The following CATSPERB variants were observed in gnomAD, a reference collection of about 807,000 sequenced individuals.
The protein encoded by CATSPERB is cation channel sperm-associated auxiliary subunit beta.
In CATSPERB, 93 loss-of-function variants were observed where a neutral mutation model predicts 128.3. The observed-to-expected ratio is 0.72, with a 90% CI of 0.61 to 0.86. The LOEUF (loss-of-function observed/expected upper bound fraction) is 0.86. CATSPERB is among the 40% of genes least tolerant of loss of function. CATSPERB has a pLI of 0.00. For synonymous variants in CATSPERB, 381 were observed against 448.8 expected (o/e 0.85, Z 1.91); for missense variants, 1,153 against 1,329.5 (o/e 0.87, Z 2.06).
intron 22 of CATSPERB, among the ~76,000 whole-genome samples, chr14:91,607,691 C>T (rs766082869): frequency 2.6e-5 from 4 of 152,106 alleles, no homozygotes; most frequent in East Asian, 1.9e-4. Flanking sequence ...TATTCGTGTA[C>T]GTGCACATGT....
At chr14:91,676,506 C>T (rs1482085872) in intron 11 of CATSPERB, among the ~76,000 whole-genome samples, 3 of 150,498 alleles carry the variant, frequency 2.0e-5, no homozygotes, top group Admixed American at 6.7e-5. Flanking sequence ...AATCAGAGTT[C>T]TAAAGTTCTC....
Position 91,580,808 on chromosome 14 carries a change from C to T in CATSPERB, c.*81G>A, listed in dbSNP as rs1412611669. 3 of 1,024,518 alleles carry T rather than the reference C, an allele frequency of 2.9e-6. No homozygotes were observed. In the African/African-American group the frequency reaches 4.8e-5, roughly 17 times the overall value. The allele number at this position is 1,024,518 out of a possible 1,614,324, so 63.5% of individuals were successfully genotyped here. A position where few individuals can be genotyped will look rare whatever the true frequency, so the allele number is the denominator to read the frequency against. On this transcript the variant is annotated 3_prime_UTR_variant, in exon 27 of 27. Transcript: ENST00000256343. Reference sequence around the variant, plus strand: ...ATTCTTTAGGATTTTATGTAGCTTGCATATTTAACATTTAAATATATTGTT... The same window carrying T: ...ATTCTTTAGGATTTTATGTAGCTTGTATATTTAACATTTAAATATATTGTT...
chr14:91,695,415 G>A (rs990334926), intron 7 of CATSPERB, among the ~76,000 whole-genome samples: 2 of 152,146 alleles, frequency 1.3e-5, no homozygotes, highest in African/African-American at 4.8e-5. Context: ...ACAGGTGTGA[G>A]CCACCACCCA....
chr14:91,604,634 T>C (rs1893666301), intron 22 of CATSPERB: 2 of 1,611,586 alleles, frequency 1.2e-6, no homozygotes, highest in Middle Eastern at 2.1e-4. Context: ...GTTCCAGGAC[T>C]GGGTGCACCA....
chr14:91,685,883 T>C (rs972914972), intron 10 of CATSPERB, among the ~76,000 whole-genome samples: 4 of 152,204 alleles, frequency 2.6e-5, no homozygotes, highest in Admixed American at 2.6e-4. Context: ...GCAGTAAGCA[T>C]TTTGTGTGTC....
chr14:91,693,559 G>T, intron 7 of CATSPERB, 80 bp from the exon 8 acceptor site: 1 of 927,796 alleles, frequency 1.1e-6, no homozygotes, highest in Non-Finnish European at 1.7e-6. Context: ...CCCAGAGTCC[G>T]TTCCAACTCC....
intron 10 of CATSPERB, among the ~76,000 whole-genome samples, 190 bp downstream of exon 10, chr14:91,691,333 C>A (rs1253035576): frequency 6.6e-6 from 1 of 151,854 alleles, no homozygotes; most frequent in Non-Finnish European, 1.5e-5. Flanking sequence ...TTAATGGTTG[C>A]TACGAATATA....
chr14:91,729,626 G>A, intron 1 of CATSPERB, 147 bp from the exon 2 acceptor site: 2 of 485,580 alleles, frequency 4.1e-6, no homozygotes, highest in Non-Finnish European at 7.4e-6. Context: ...CAACACAACA[G>A]TTGCCTAAAC....
chr14:91,616,530 T>C (rs1893937550), intron 20 of CATSPERB, among the ~76,000 whole-genome samples: 1 of 152,140 alleles, frequency 6.6e-6, no homozygotes, highest in East Asian at 1.9e-4. Context: ...CCTGAAGAAT[T>C]GAGATATTTC....
rs1895126622 is a variant in CATSPERB, at chr14:91,673,030, A to C, written c.979-14T>G. The stretch of plus-strand genomic sequence containing the variant: ...ACAAGAGCTTGACTATAAAAAAAAG[A>C]AGGGAAAAATTAATGCTGTTTTTGA... On this transcript the variant is annotated splice_polypyrimidine_tract_variant and intron_variant, in intron 12 of 26. Coordinates refer to ENST00000256343, the MANE Select transcript of CATSPERB (RefSeq NM_024764.4). The C allele has an allele frequency of 3.2e-6, 5 of 1,562,274 alleles. No individual in the cohort carries two copies. The highest frequency in any genetic ancestry group is 2.3e-5 in the East Asian group (1 of 43,284).
At chr14:91,631,978 A>G (rs965394363) in intron 17 of CATSPERB, among the ~76,000 whole-genome samples, 17 of 152,158 alleles carry the variant, frequency 1.1e-4, no homozygotes, top group Admixed American at 3.9e-4. Flanking sequence ...TAGAAGAAGA[A>G]AAGAATGGAA....
chr14:91,661,549 T>TATATATA (rs1894886330), intron 14 of CATSPERB, among the ~76,000 whole-genome samples: 1 of 52,664 alleles, frequency 1.9e-5, no homozygotes, highest in Non-Finnish European at 4.0e-5. Context: ...ATATATATAT[T>TATATATA]TAAGACAGGG....
intron 17 of CATSPERB, among the ~76,000 whole-genome samples, chr14:91,632,898 A>G (rs1196035009): frequency 2.6e-5 from 4 of 152,136 alleles, no homozygotes; most frequent in Non-Finnish European, 4.4e-5. Context: ...TAAAACTCCC[A>G]TGTGGAAGGT....
chr14:91,624,122 C>T (rs1286577606), intron 18 of CATSPERB, among the ~76,000 whole-genome samples: 2 of 152,008 alleles, frequency 1.3e-5, no homozygotes, highest in South Asian at 2.1e-4. Flanking sequence ...CTGAGGCAGG[C>T]GGATCACTCG....
intron 14 of CATSPERB, among the ~76,000 whole-genome samples, chr14:91,661,547 A>ATATATATATT (rs1326907813): frequency 2.0e-5 from 3 of 147,402 alleles, no homozygotes; most frequent in African/African-American, 7.5e-5. Context: ...ATATATATAT[A>ATATATATATT]TTTAAGACAG....
At chr14:91,615,325 T>C (rs1893916127) in intron 20 of CATSPERB, among the ~76,000 whole-genome samples, 1 of 152,224 alleles carries the variant, frequency 6.6e-6, no homozygotes, top group Non-Finnish European at 1.5e-5. Flanking sequence ...TAATGCCTGA[T>C]GATCTGAAGT....
At chr14:91,637,165 C>G (rs1040614139) in intron 16 of CATSPERB, among the ~76,000 whole-genome samples, 2 of 152,076 alleles carry the variant, frequency 1.3e-5, no homozygotes, top group Non-Finnish European at 2.9e-5. Context: ...GCTTGGGGAA[C>G]TTTTAGGGGA....
intron 10 of CATSPERB, among the ~76,000 whole-genome samples, chr14:91,685,115 A>G (rs1895350853): frequency 6.6e-6 from 1 of 152,084 alleles, no homozygotes; most frequent in South Asian, 2.1e-4. Flanking sequence ...TTTGAGGGAA[A>G]GGAGTCTCAC....
intron 18 of CATSPERB, among the ~76,000 whole-genome samples, chr14:91,624,369 A>G (rs568011565): frequency 1.1e-3 from 171 of 152,366 alleles, no homozygotes; most frequent in South Asian, 4.3e-3. Context: ...CTGCAATCCC[A>G]GCTACTCGGG....
Sources: allele counts gnomAD v4.1 joint callset (sites outside exome capture counted in the v4.1 genomes callset), GRCh38; gene constraint gnomAD v4.1.1; transcripts MANE v1.5; gene names NCBI Gene and HGNC (gene_info 2026-07-23, HGNC 2026-07-21).